Variants in PTCD2 observed in about 807,000 individuals in gnomAD.
PTCD2 encodes pentatricopeptide repeat-containing protein 2, mitochondrial.
In PTCD2, 31 loss-of-function variants were observed where a neutral mutation model predicts 42.6. That is an observed-to-expected ratio of 0.73 (90% CI 0.55 to 0.98). PTCD2 has a LOEUF of 0.98. Ranked by LOEUF, PTCD2 falls within the 50% of genes least tolerant of loss-of-function variation. PTCD2 has a pLI of 0.00. For missense variants in PTCD2, 476 were observed against 454.8 expected (o/e 1.05, Z -0.42); for synonymous variants, 183 against 170.9 (o/e 1.07, Z -0.55).
chr5:72,323,329 A>G (rs569719825), intron 2 of PTCD2, among the ~76,000 whole-genome samples: 1 of 152,308 alleles, frequency 6.6e-6, no homozygotes, highest in East Asian at 1.9e-4. Context: ...AATTTTTGTT[A>G]TAAAAAGCTA....
intron 7 of PTCD2, among the ~76,000 whole-genome samples, chr5:72,342,756 A>G (rs1752139388): frequency 6.6e-6 from 1 of 152,228 alleles, no homozygotes; most frequent in Non-Finnish European, 1.5e-5. Flanking sequence ...AACTGGACTC[A>G]GGCAGGTTGT....
At chr5:72,324,498 C>T (rs1751034961) in intron 2 of PTCD2, among the ~76,000 whole-genome samples, 1 of 152,178 alleles carries the variant, frequency 6.6e-6, no homozygotes, top group South Asian at 2.1e-4. Context: ...ATGCTGATTT[C>T]CTTACCTAGA....
chr5:72,331,163 G>T (rs1350096283), intron 3 of PTCD2, 95 bp from the exon 4 acceptor site: 1 of 785,962 alleles, frequency 1.3e-6, no homozygotes, highest in Non-Finnish European at 2.3e-6. Flanking sequence ...GTTCTCTGTT[G>T]TGTCCCAGTA....
chr5:72,350,685 C>T (rs906413977), intron 8 of PTCD2, among the ~76,000 whole-genome samples: 56 of 152,244 alleles, frequency 3.7e-4, no homozygotes, highest in African/African-American at 1.2e-3. Context: ...ATTTAGTTTA[C>T]CTGGGATCAT....
At chr5:72,344,723 GAA>G (rs1281026724) in intron 8 of PTCD2, among the ~76,000 whole-genome samples, 1 of 152,124 alleles carries the variant, frequency 6.6e-6, no homozygotes, top group Non-Finnish European at 1.5e-5. Flanking sequence ...ACAAAAGAGA[GAA>G]ATTTTAAAGC....
chr5:72,330,854 C>A (rs1751402833), intron 3 of PTCD2, among the ~76,000 whole-genome samples: 1 of 152,114 alleles, frequency 6.6e-6, no homozygotes, highest in East Asian at 1.9e-4. Flanking sequence ...CCTCCAGGAG[C>A]ACAGAGCATC....
Position 72,358,279 on chromosome 5 carries a change from A to C in PTCD2, c.1019A>C (p.His340Pro). Residue 340 changes from histidine to proline, a missense_variant, in exon 10 of 10, where the codon CAC becomes CCC. Physicochemically the swap from His to Pro is moderately conservative, Grantham distance 77 (BLOSUM62 -2). Coordinates refer to ENST00000380639, the MANE Select transcript of PTCD2 (RefSeq NM_024754.5). ...TTTGATGAGATCTATGGGACACTGC[A>C]CATCACTGGCCAGGTCACCACTGAT... The part of the protein sequence containing the change: ...AKFDEIYGTL[H>P]ITGQVTTDSL... 6.2e-7 allele frequency: 1 copy of C among 1,614,096 alleles called. No individual in the cohort carries two copies. Among genetic ancestry groups the C allele is most frequent in the South Asian group, 1.1e-5 (1 of 91,080 alleles).
intron 6 of PTCD2, among the ~76,000 whole-genome samples, chr5:72,338,183 C>T (rs534251547): frequency 6.6e-6 from 1 of 152,106 alleles, no homozygotes; most frequent in African/African-American, 2.4e-5. Context: ...AATTAGTGTT[C>T]GTGTTTTCAA....
chr5:72,349,482 C>G (rs1392175238), intron 8 of PTCD2, among the ~76,000 whole-genome samples: 5 of 152,130 alleles, frequency 3.3e-5, no homozygotes, highest in Non-Finnish European at 5.9e-5. Context: ...CTCTACCACA[C>G]TATGATATCC....
rs181263946 is a variant in PTCD2, at chr5:72,335,704, T to C, written c.548-90T>C. Reference sequence around the variant, plus strand: ...TAGCTTTTATTTTGTTGAAATACACTTTTCTGTAGATGGTGCTGAACAGAT... The same window carrying C: ...TAGCTTTTATTTTGTTGAAATACACCTTTCTGTAGATGGTGCTGAACAGAT... On this transcript the variant is annotated intron_variant, in intron 5 of 9. Coordinates refer to ENST00000380639, the MANE Select transcript of PTCD2 (RefSeq NM_024754.5). The C allele has an allele frequency of 3.6e-4, 244 of 677,424 alleles. No individual in the cohort carries two copies. The African/African-American group carries it at 4.1e-3, about 11-fold the overall frequency. The allele number at this position is 677,424 out of a possible 1,614,324, so 42.0% of individuals were successfully genotyped here.
intron 2 of PTCD2, among the ~76,000 whole-genome samples, chr5:72,323,744 G>A (rs2112119569): frequency 6.6e-6 from 1 of 152,192 alleles, no homozygotes; most frequent in Non-Finnish European, 1.5e-5. Context: ...TCAAACTCTT[G>A]GATTCAAGCA....
chr5:72,355,008 G>A (rs2112231908), intron 9 of PTCD2, among the ~76,000 whole-genome samples: 1 of 152,270 alleles, frequency 6.6e-6, no homozygotes, highest in South Asian at 2.1e-4. Flanking sequence ...CCTTAAGAAG[G>A]CGGGACCATA....
At chr5:72,327,177 C>CT (rs1263630266) in intron 3 of PTCD2, among the ~76,000 whole-genome samples, 1 of 152,192 alleles carries the variant, frequency 6.6e-6, no homozygotes, top group African/African-American at 2.4e-5. Flanking sequence ...TCCTTGGTAT[C>CT]TCCCTCAGCT....
intron 7 of PTCD2, among the ~76,000 whole-genome samples, chr5:72,342,063 TAAA>T (rs139713376): frequency 0.016 from 2,479 of 151,216 alleles, 74 homozygotes; most frequent in African/African-American, 0.055. Context: ...AATAATAAAA[TAAA>T]ATAAATAAAT....
At position 72,358,590 on chromosome 5, in the gene PTCD2, G is replaced by A; in HGVS notation, c.*163G>A. 1 of 619,230 alleles carries A rather than the reference G, an allele frequency of 1.6e-6. No individual in the cohort carries two copies. The allele number at this position is 619,230 out of a possible 1,614,324, so 38.4% of individuals were successfully genotyped here. A position where few individuals can be genotyped will look rare whatever the true frequency, so the allele number is the denominator to read the frequency against. On this transcript the variant is annotated 3_prime_UTR_variant, in exon 10 of 10. Coordinates refer to ENST00000380639, the MANE Select transcript of PTCD2 (RefSeq NM_024754.5). ...ATGGTACCATGCCGATCTCTGAGAAGTTATGTTGCACCACTGTGAAGGTCT... is the reference window on the plus strand; with the variant it reads ...ATGGTACCATGCCGATCTCTGAGAAATTATGTTGCACCACTGTGAAGGTCT...
chr5:72,335,161 G>A, intron 5 of PTCD2, 65 bp downstream of exon 5: 1 of 889,916 alleles, frequency 1.1e-6, no homozygotes, highest in Non-Finnish European at 1.9e-6. Flanking sequence ...GAACTAGGGG[G>A]AAAAATGAGT....
chr5:72,358,354 C>T lies in PTCD2; in HGVS notation c.1094C>T (p.Thr365Met). 4 of 1,614,040 alleles carry T rather than the reference C, an allele frequency of 2.5e-6. No individual in the cohort carries two copies. Among genetic ancestry groups the T allele is most frequent in the Non-Finnish European group, 3.4e-6 (4 of 1,179,992 alleles). ...CHTPRDRKSH[T>M]LLLNKRMVSR... ...ACCCCCAGGGACAGGAAATCTCACA[C>T]GTTGCTATTAAACAAGAGGATGGTC... The change falls in exon 10 of 10, where the codon ACG (threonine) becomes ATG (methionine). Residue 365 changes from threonine (T) to methionine (M), a missense_variant. Thr to Met is a moderately conservative substitution (Grantham distance 81, BLOSUM62 -1). Coordinates refer to ENST00000380639, the MANE Select transcript of PTCD2 (RefSeq NM_024754.5).
At chr5:72,333,262 T>C (rs1048250965) in intron 4 of PTCD2, among the ~76,000 whole-genome samples, 1 of 152,216 alleles carries the variant, frequency 6.6e-6, no homozygotes, top group African/African-American at 2.4e-5. Context: ...ATTCTTATCC[T>C]TGAGGCTCCC....
rs757620740 is a variant in PTCD2 at position 72,320,373 on chromosome 5, A to C, written c.-10A>C. The stretch of plus-strand genomic sequence containing the variant: ...CGCTCCGCCTCCTCGCCCCGGTTCC[A>C]GTAGTTGGTATGGTCCGAGACAGTA... On this transcript the variant is annotated 5_prime_UTR_variant, in exon 1 of 10. Coordinates refer to ENST00000380639, the MANE Select transcript of PTCD2 (RefSeq NM_024754.5). 1.2e-6 allele frequency: 2 copies of C among 1,612,898 alleles called. No homozygotes were observed. Among genetic ancestry groups the C allele is most frequent in the East Asian group, 2.2e-5 (1 of 44,830 alleles).
Sources: gnomAD v4.1 joint callset for allele counts (sites outside exome capture counted in the v4.1 genomes callset) on GRCh38, gnomAD v4.1.1 for gene constraint, MANE v1.5 for transcripts, NCBI Gene and HGNC (gene_info 2026-07-23, HGNC 2026-07-21) for gene names.